The following CTNNB1 variants were observed in gnomAD, a reference collection of about 807,000 sequenced individuals.
CTNNB1 encodes the protein catenin beta-1.
Under a neutral mutation model 82.5 loss-of-function variants are expected in CTNNB1, and 6 were observed. The observed-to-expected ratio is 0.07, with a 90% confidence interval of 0.04 to 0.14. The LOEUF (loss-of-function observed/expected upper bound fraction) is 0.14. CTNNB1 is among the 10% of genes least tolerant of loss of function. CTNNB1 has a pLI of 1.00. For synonymous variants in CTNNB1, 312 were observed against 329.7 expected (o/e 0.95, Z 0.58); for missense variants, 529 against 980.4 (o/e 0.54, Z 6.15).
At position 41,234,391 on chromosome 3, in the gene CTNNB1, C is replaced by T. The variant is rs558723359; in HGVS notation, c.1683+94C>T. On this transcript the variant is annotated intron_variant, in intron 10 of 14. Transcript: ENST00000349496. ...TCTTTCTTTGGTCATTGGTTCCCCC[C>T]ATCCGTCTTCCTGAAGAGCTAATGA... is the stretch of plus-strand genomic sequence containing the variant. 4.6e-5 allele frequency: 58 copies of T among 1,249,336 alleles called. 1 individual carries two copies. In the South Asian group the frequency reaches 6.0e-4, roughly 13 times the overall value. The allele number at this position is 1,249,336 out of a possible 1,614,324, so 77.4% of individuals were successfully genotyped here. A position where few individuals can be genotyped will look rare whatever the true frequency, so the allele number is the denominator to read the frequency against.
rs1334442538 is a variant in CTNNB1 at position 41,240,102 on chromosome 3, T to TAGAACACTAATTCATAATCACTC, written c.*761_*783dup. On this transcript the variant is annotated 3_prime_UTR_variant, in exon 15 of 15. Coordinates refer to ENST00000349496, the MANE Select transcript of CTNNB1 (RefSeq NM_001904.4). ...AATTTTTAAGAATTGAGTAATGGTG[T>TAGAACACTAATTCATAATCACTC]AGAACACTAATTCATAATCACTCTA... The TAGAACACTAATTCATAATCACTC allele has an allele frequency of 1.1e-5, 2 of 180,942 alleles. No individual in the cohort carries two copies. The highest frequency in any genetic ancestry group is 2.3e-5 in the Non-Finnish European group (2 of 88,310). The allele number at this position is 180,942 out of a possible 1,614,324, so 11.2% of individuals were successfully genotyped here.
intron 1 of CTNNB1, among the ~76,000 whole-genome samples, chr3:41,208,433 CTT>C (rs1384782456): frequency 6.6e-6 from 1 of 152,072 alleles, no homozygotes; most frequent in African/African-American, 2.4e-5. Context: ...AATATTTTGT[CTT>C]TTATCTGTAA....
intron 1 of CTNNB1, chr3:41,210,937 C>T: frequency 2.3e-6 from 1 of 433,298 alleles, no homozygotes; most frequent in South Asian, 1.7e-5. Context: ...CTACACCAGG[C>T]ACCCCACCAT....
intron 14 of CTNNB1, among the ~76,000 whole-genome samples, chr3:41,238,825 A>G (rs929715625): frequency 2.6e-5 from 4 of 152,072 alleles, no homozygotes; most frequent in Non-Finnish European, 5.9e-5. Flanking sequence ...CTCCTCGGGA[A>G]CCCCAAGTCT....
chr3:41,206,508 TTGAAGA>T (rs1277376331), intron 1 of CTNNB1, among the ~76,000 whole-genome samples: 1 of 152,154 alleles, frequency 6.6e-6, no homozygotes, highest in Admixed American at 6.5e-5. Flanking sequence ...GGAGTGCAAT[TTGAAGA>T]TGATCTTAAG....
chr3:41,237,987 T>A (rs924000309), intron 13 of CTNNB1, 29 bp from the exon 14 acceptor site: 7 of 1,605,304 alleles, frequency 4.4e-6, no homozygotes, highest in Non-Finnish European at 6.0e-6. Flanking sequence ...TGCTTTCTAT[T>A]CTTCCTTGCT....
At position 41,213,854 on chromosome 3, in the gene CTNNB1, G is replaced by T. The variant is rs61487971; in HGVS notation, c.-48-10167G>T. Among the ~76,000 whole-genome samples the T allele has an allele frequency of 2.5e-4, 38 of 152,190 alleles. No homozygotes were observed. The East Asian group carries it at 6.2e-3, about 25-fold the overall frequency. ...GAAAAGCAGTCACATTTTAATAATA[G>T]AAGCTTCCTAGCTTACTCTTTCTGT... is the stretch of plus-strand genomic sequence containing the variant. On this transcript the variant is annotated intron_variant, in intron 1 of 14. Transcript: ENST00000349496.
intron 11 of CTNNB1, 147 bp from the exon 12 acceptor site, chr3:41,236,202 A>G: frequency 9.9e-7 from 1 of 1,009,524 alleles, no homozygotes; most frequent in Non-Finnish European, 1.6e-6. Context: ...AGCATTAAAC[A>G]CCCCAAGACA....
intron 1 of CTNNB1, among the ~76,000 whole-genome samples, chr3:41,214,845 T>G (rs1275656463): frequency 6.6e-6 from 1 of 152,186 alleles, no homozygotes; most frequent in Non-Finnish European, 1.5e-5. Context: ...AAATTTCAGT[T>G]TCTGTGAATG....
rs1328292681 is a variant in CTNNB1 at position 41,225,308 on chromosome 3, G to A, written c.496-26G>A. 9 of 1,613,670 alleles carry A rather than the reference G, an allele frequency of 5.6e-6. No individual in the cohort carries two copies. Among genetic ancestry groups the A allele is most frequent in the African/African-American group, 5.3e-5 (4 of 74,900 alleles). Reference sequence around the variant, plus strand: ...CCAATACCAGTACTTGAAAACTAACGATGTTTCTGAATTCCTGTATTACAG... The same window carrying A: ...CCAATACCAGTACTTGAAAACTAACAATGTTTCTGAATTCCTGTATTACAG... On this transcript the variant is annotated intron_variant, in intron 4 of 14. Coordinates refer to ENST00000349496, the MANE Select transcript of CTNNB1 (RefSeq NM_001904.4). This position sits in a 1 kb window ranked among gnomAD's most constrained non-coding sequence, Gnocchi z 5.3.
At chr3:41,227,443 C>T (rs2078204818) in intron 7 of CTNNB1, 91 bp downstream of exon 7, 1 of 1,366,886 alleles carries the variant, frequency 7.3e-7, no homozygotes, top group Admixed American at 1.7e-5. Flanking sequence ...AGAACTTTAA[C>T]TACTGAAAAT....
At chr3:41,204,443 T>C (rs561167674) in intron 1 of CTNNB1, among the ~76,000 whole-genome samples, 1 of 152,376 alleles carries the variant, frequency 6.6e-6, no homozygotes, top group East Asian at 1.9e-4. Context: ...ATAAGATCGC[T>C]TTCAGAAGCC....
intron 7 of CTNNB1, among the ~76,000 whole-genome samples, chr3:41,227,633 T>C (rs2078209056): frequency 6.6e-6 from 1 of 152,154 alleles, no homozygotes; most frequent in Admixed American, 6.5e-5. Context: ...TAAGATTTGC[T>C]AACAGAGCTG....
chr3:41,226,120 ACT>A (rs1453692893), intron 6 of CTNNB1, among the ~76,000 whole-genome samples: 4 of 151,806 alleles, frequency 2.6e-5, no homozygotes, highest in African/African-American at 2.4e-5. Flanking sequence ...CTCCTATGAG[ACT>A]CTCATGGTGC....
chr3:41,235,636 T>C, intron 10 of CTNNB1, 88 bp from the exon 11 acceptor site: 2 of 1,561,052 alleles, frequency 1.3e-6, no homozygotes, highest in South Asian at 1.1e-5. Flanking sequence ...ACTTCGGGTA[T>C]ATAATGTAAA....
chr3:41,226,025 C>T (rs1447310572), intron 6 of CTNNB1, among the ~76,000 whole-genome samples, 164 bp downstream of exon 6: 1 of 152,100 alleles, frequency 6.6e-6, no homozygotes, highest in African/African-American at 2.4e-5. Context: ...TGACACCATT[C>T]CACCTCAGAT....
chr3:41,222,738 C>G (rs1372350928), intron 1 of CTNNB1, among the ~76,000 whole-genome samples: 1 of 152,168 alleles, frequency 6.6e-6, no homozygotes, highest in Non-Finnish European at 1.5e-5. Context: ...TGTATCAAAG[C>G]ACTTCTGAAA....
At chr3:41,221,483 A>T (rs1422088943) in intron 1 of CTNNB1, 1 of 152,138 alleles carries the variant, frequency 6.6e-6, no homozygotes, top group African/African-American at 2.4e-5. Context: ...CTAGGACTAC[A>T]GGCACATACT....
rs1235901271 is a variant in CTNNB1 at position 41,236,489 on chromosome 3, T to C, written c.1944T>C (p.Asn648=). The part of the protein sequence containing the change: ...APLTELLHSR[N]EGVATYAAAV... ...TGACAGAGTTACTTCACTCTAGGAA[T>C]GAAGGTGTGGGTAAGTAAAAAGGAA... Residue 648 remains asparagine (N), a synonymous_variant, in exon 12 of 15, where the codon AAT becomes AAC. Coordinates refer to ENST00000349496, the MANE Select transcript of CTNNB1 (RefSeq NM_001904.4). The C allele has an allele frequency of 2.5e-6, 4 of 1,614,196 alleles. No homozygotes were observed. Among genetic ancestry groups the C allele is most frequent in the Middle Eastern group, 1.6e-4 (1 of 6,062 alleles).
Sources: allele counts gnomAD v4.1 joint callset (sites outside exome capture counted in the v4.1 genomes callset), GRCh38; gene constraint gnomAD v4.1.1; non-coding constraint Gnocchi (gnomAD v3.1); transcripts MANE v1.5; gene names NCBI Gene and HGNC (gene_info 2026-07-23, HGNC 2026-07-21).